Variants in TRABD2B observed in about 807,000 individuals in gnomAD.
TRABD2B encodes the protein metalloprotease TIKI2.
TRABD2B carries 14 observed loss-of-function variants against 40.1 expected under a neutral mutation model. The observed-to-expected ratio is 0.35, with a 90% CI of 0.23 to 0.55. TRABD2B has a LOEUF of 0.55. Among genes scored for constraint, TRABD2B ranks in the 20% least tolerant of loss-of-function variants. TRABD2B has a pLI of 0.90. For synonymous variants in TRABD2B, 263 were observed against 277.0 expected, an observed-to-expected ratio of 0.95 and a Z score of 0.50; for missense variants, 541 against 648.6, an observed-to-expected ratio of 0.83 and a Z score of 1.80.
chr1:47,909,592 GA>G, intron 2 of TRABD2B, among the ~76,000 whole-genome samples: 1 of 147,500 alleles, frequency 6.8e-6, no homozygotes, highest in South Asian at 2.2e-4. Context: ...GGAGGAGGAG[GA>G]GGAGGAGGAG....
chr1:47,788,794 C>T (rs965786665), intron 4 of TRABD2B, among the ~76,000 whole-genome samples: 1 of 152,162 alleles, frequency 6.6e-6, no homozygotes, highest in Admixed American at 6.6e-5. Context: ...TGTGTGATAA[C>T]CACTGGTTCT....
intron 2 of TRABD2B, among the ~76,000 whole-genome samples, chr1:47,904,874 A>G (rs1644655019): frequency 3.3e-5 from 5 of 152,202 alleles, no homozygotes; most frequent in African/African-American, 7.2e-5. Context: ...CTCTCTCCCG[A>G]TATAGGCTGA....
chr1:47,969,928 C>A (rs914305021), intron 2 of TRABD2B, among the ~76,000 whole-genome samples: 1 of 152,254 alleles, frequency 6.6e-6, no homozygotes, highest in South Asian at 2.1e-4. Context: ...TCACCTCCCC[C>A]ACCGCTCCTC....
intron 2 of TRABD2B, among the ~76,000 whole-genome samples, chr1:47,979,499 C>A (rs1180683041): frequency 2.6e-5 from 4 of 152,138 alleles, no homozygotes; most frequent in African/African-American, 9.7e-5. Context: ...CTCACACCCA[C>A]CAAGGGGGCT....
chr1:47,832,169 A>T (rs920917114), intron 2 of TRABD2B, among the ~76,000 whole-genome samples: 4 of 151,960 alleles, frequency 2.6e-5, no homozygotes, highest in South Asian at 4.2e-4. Context: ...CATCTCTACT[A>T]AAAAAATACA....
At chr1:47,846,403 A>G (rs1197374220) in intron 2 of TRABD2B, among the ~76,000 whole-genome samples, 1 of 152,126 alleles carries the variant, frequency 6.6e-6, no homozygotes, top group Non-Finnish European at 1.5e-5. Flanking sequence ...ATGTGGTAGA[A>G]GTGATATGTG....
intron 2 of TRABD2B, among the ~76,000 whole-genome samples, chr1:47,949,363 C>T (rs555624370): frequency 2.0e-5 from 3 of 151,688 alleles, no homozygotes; most frequent in African/African-American, 7.3e-5. Context: ...ATTGGCCTCT[C>T]CCATCAGTCC....
intron 2 of TRABD2B, among the ~76,000 whole-genome samples, chr1:47,934,148 C>T (rs1291160480): frequency 1.3e-5 from 2 of 152,202 alleles, no homozygotes; most frequent in Admixed American, 1.3e-4. Flanking sequence ...ACTATTTTCC[C>T]ATTTTAGACA....
intron 2 of TRABD2B, among the ~76,000 whole-genome samples, chr1:47,982,256 C>G (rs762546785): frequency 6.6e-6 from 1 of 152,156 alleles, no homozygotes; most frequent in Non-Finnish European, 1.5e-5. Context: ...CACTTCAAGA[C>G]AGACATTGTG....
chr1:47,860,649 T>A (rs189407143), intron 2 of TRABD2B, among the ~76,000 whole-genome samples: 1 of 152,294 alleles, frequency 6.6e-6, no homozygotes, highest in Admixed American at 6.5e-5. Context: ...TTGCCGAAAT[T>A]CATGTTGAAG....
At chr1:47,901,654 C>T (rs1644601772) in intron 2 of TRABD2B, among the ~76,000 whole-genome samples, 1 of 152,216 alleles carries the variant, frequency 6.6e-6, no homozygotes, top group African/African-American at 2.4e-5. Flanking sequence ...GCAACAGGTA[C>T]ATAAGAAGTA....
chr1:47,779,665 C>T (rs1644494546), intron 4 of TRABD2B, among the ~76,000 whole-genome samples: 1 of 152,142 alleles, frequency 6.6e-6, no homozygotes, highest in South Asian at 2.1e-4. Context: ...GCCTCAGTCT[C>T]CCCCACCTGC....
At chr1:47,984,847 G>C (rs1466665148) in intron 2 of TRABD2B, among the ~76,000 whole-genome samples, 1 of 140,738 alleles carries the variant, frequency 7.1e-6, no homozygotes, top group African/African-American at 2.7e-5. Context: ...CCCAACACCT[G>C]CACGGATGCT....
chr1:47,880,153 A>T (rs1054044559), intron 2 of TRABD2B, among the ~76,000 whole-genome samples: 2 of 152,192 alleles, frequency 1.3e-5, no homozygotes, highest in Non-Finnish European at 2.9e-5. Context: ...TACTAAAAAT[A>T]AAAAAATTAT....
intron 2 of TRABD2B, among the ~76,000 whole-genome samples, chr1:47,966,203 G>A (rs1265246688): frequency 6.6e-6 from 1 of 152,140 alleles, no homozygotes; most frequent in Non-Finnish European, 1.5e-5. Context: ...GGGGCTGTGG[G>A]AACCCTTAGG....
intron 2 of TRABD2B, among the ~76,000 whole-genome samples, chr1:47,801,873 T>C (rs1229086865): frequency 1.3e-5 from 2 of 152,182 alleles, no homozygotes; most frequent in Non-Finnish European, 2.9e-5. Flanking sequence ...GGTCTCAACA[T>C]CTTATTAAAG....
At chr1:47,935,147 T>C (rs1367980450) in intron 2 of TRABD2B, among the ~76,000 whole-genome samples, 1 of 152,160 alleles carries the variant, frequency 6.6e-6, no homozygotes. Context: ...ACCATAATCA[T>C]AATTACACCT....
chr1:47,880,329 A>T (rs1385018727), intron 2 of TRABD2B, among the ~76,000 whole-genome samples: 1 of 152,244 alleles, frequency 6.6e-6, no homozygotes, highest in East Asian at 1.9e-4. Context: ...ACCAAAAAAA[A>T]AGAGAAAGAA....
At chr1:47,949,290 A>C (rs1157288917) in intron 2 of TRABD2B, among the ~76,000 whole-genome samples, 1 of 152,048 alleles carries the variant, frequency 6.6e-6, no homozygotes, top group African/African-American at 2.4e-5. Context: ...AAATTGCCCA[A>C]AGTCTCAAAG....
Sources: allele counts gnomAD v4.1 joint callset (sites outside exome capture counted in the v4.1 genomes callset), GRCh38; gene constraint gnomAD v4.1.1; transcripts MANE v1.5; gene names NCBI Gene and HGNC (gene_info 2026-07-23, HGNC 2026-07-21).